Variants in ADAM19 observed in about 807,000 individuals in gnomAD.
The protein encoded by ADAM19 is ADAM metallopeptidase domain 19.
In ADAM19, 65 loss-of-function variants were observed where a neutral mutation model predicts 114.7. The observed-to-expected ratio is 0.57, with a 90% CI of 0.46 to 0.70. ADAM19 has a LOEUF of 0.70. Ranked by LOEUF, ADAM19 falls within the 30% of genes least tolerant of loss-of-function variation. The pLI is 0.00. For synonymous variants in ADAM19, 466 were observed against 460.5 expected (o/e 1.01, Z -0.15); for missense variants, 1,063 against 1,204.7 (o/e 0.88, Z 1.74).
intron 7 of ADAM19, 45 bp from the exon 8 acceptor site, chr5:157,513,550 C>T: frequency 6.4e-7 from 1 of 1,551,582 alleles, no homozygotes; most frequent in Non-Finnish European, 8.9e-7. Flanking sequence ...GAACCTCTCA[C>T]AGGATGCTTC....
intron 3 of ADAM19, among the ~76,000 whole-genome samples, chr5:157,541,269 A>G (rs752900559): frequency 1.3e-5 from 2 of 152,236 alleles, no homozygotes; most frequent in African/African-American, 4.8e-5. Context: ...GGATTGCATT[A>G]GGATTTTCAG....
intron 16 of ADAM19, 96 bp downstream of exon 16, chr5:157,492,877 G>T: frequency 7.4e-7 from 1 of 1,344,184 alleles, no homozygotes; most frequent in Non-Finnish European, 1.1e-6. Flanking sequence ...AGGTTGGCGA[G>T]GTGGCATCTG....
intron 3 of ADAM19, among the ~76,000 whole-genome samples, chr5:157,542,259 G>GTT (rs11327769): frequency 6.9e-6 from 1 of 145,588 alleles, no homozygotes; most frequent in African/African-American, 2.6e-5. Flanking sequence ...ATTTTTAATA[G>GTT]TTTTTTTTTT....
intron 5 of ADAM19, among the ~76,000 whole-genome samples, chr5:157,526,502 T>C (rs1472411475): frequency 6.6e-6 from 1 of 152,174 alleles, no homozygotes; most frequent in African/African-American, 2.4e-5. Context: ...ACACACAGGC[T>C]CAGTCAGAGA....
At chr5:157,519,762 G>T in intron 6 of ADAM19, 77 bp downstream of exon 6, 1 of 1,352,134 alleles carries the variant, frequency 7.4e-7, no homozygotes, top group Non-Finnish European at 1.0e-6. Context: ...AAATACTCCT[G>T]GATTCAAAGT....
intron 3 of ADAM19, among the ~76,000 whole-genome samples, chr5:157,543,924 G>C (rs991359256): frequency 6.6e-6 from 1 of 152,172 alleles, no homozygotes; most frequent in Non-Finnish European, 1.5e-5. Context: ...TGTTTTCTAA[G>C]ATGCTGAAAG....
intron 11 of ADAM19, among the ~76,000 whole-genome samples, chr5:157,505,269 C>T (rs191420765): frequency 2.2e-3 from 335 of 152,114 alleles, no homozygotes; most frequent in Non-Finnish European, 3.2e-3. Flanking sequence ...TCTGTTACAT[C>T]GGAGCTTTCA....
chr5:157,558,747 T>G (rs1365637278), intron 3 of ADAM19, among the ~76,000 whole-genome samples: 2 of 152,204 alleles, frequency 1.3e-5, no homozygotes, highest in East Asian at 3.8e-4. Context: ...GGTCTGCTAC[T>G]ATTTCTACCA....
chr5:157,482,003 C>A, intron 21 of ADAM19, 60 bp from the exon 22 acceptor site: 1 of 1,335,134 alleles, frequency 7.5e-7, no homozygotes, highest in Non-Finnish European at 1.0e-6. Flanking sequence ...AGAAAATATC[C>A]CTGATATCTT....
At chr5:157,509,669 C>T (rs752990426) in intron 8 of ADAM19, among the ~76,000 whole-genome samples, 1 of 152,218 alleles carries the variant, frequency 6.6e-6, no homozygotes. Context: ...ATGGCTCCAA[C>T]AGAAGGAGGC....
intron 12 of ADAM19, among the ~76,000 whole-genome samples, chr5:157,500,143 A>G (rs1039146930): frequency 6.6e-6 from 1 of 152,132 alleles, no homozygotes; most frequent in Non-Finnish European, 1.5e-5. Context: ...TACTTGTCAC[A>G]AGAACCATAT....
intron 2 of ADAM19, among the ~76,000 whole-genome samples, chr5:157,567,693 A>C (rs532876428): frequency 6.6e-6 from 1 of 152,198 alleles, no homozygotes; most frequent in South Asian, 2.1e-4. Context: ...GCTACTTGGG[A>C]GGCTGAGGCA....
At chr5:157,511,659 T>C (rs1311571977) in intron 8 of ADAM19, among the ~76,000 whole-genome samples, 2 of 152,224 alleles carry the variant, frequency 1.3e-5, no homozygotes. Context: ...TGGCTTTTTT[T>C]CACAGTTACA....
chr5:157,496,872 G>A (rs375342790), intron 14 of ADAM19, 22 bp downstream of exon 14: 125 of 1,525,370 alleles, frequency 8.2e-5, no homozygotes, highest in Non-Finnish European at 1.0e-4. Flanking sequence ...GGGGAGAGCC[G>A]TGCTCCCCAG....
At chr5:157,536,826 A>T (rs542077586) in intron 4 of ADAM19, among the ~76,000 whole-genome samples, 66 of 152,166 alleles carry the variant, frequency 4.3e-4, no homozygotes, top group Non-Finnish European at 7.2e-4. Flanking sequence ...AGGAGTCCTG[A>T]TGCAGAGGGA....
chr5:157,524,679 G>T (rs1369485515), intron 5 of ADAM19, among the ~76,000 whole-genome samples: 2 of 152,166 alleles, frequency 1.3e-5, no homozygotes, highest in East Asian at 3.8e-4. Flanking sequence ...AGAAGAGAAG[G>T]CTTGTAGGTC....
intron 11 of ADAM19, among the ~76,000 whole-genome samples, chr5:157,503,442 T>C (rs1267082917): frequency 6.6e-6 from 1 of 151,074 alleles, no homozygotes; most frequent in Non-Finnish European, 1.5e-5. Flanking sequence ...TGTATACATA[T>C]GTAACAAACC....
chr5:157,553,233 T>C (rs1470607353), intron 3 of ADAM19, among the ~76,000 whole-genome samples: 2 of 152,226 alleles, frequency 1.3e-5, no homozygotes, highest in Non-Finnish European at 2.9e-5. Flanking sequence ...ATGGATACCC[T>C]TTTCTTCATG....
chr5:157,574,229 A>G lies in ADAM19; in HGVS notation c.94+1374T>C, dbSNP rs562552553. ...GGGGTTGCAGATCATTTTCTTTTAC[A>G]CTTTTCGTTATTTCCCAGATATTCT... On this transcript the variant is annotated intron_variant, in intron 1 of 22. Coordinates refer to ENST00000257527, the MANE Select transcript of ADAM19 (RefSeq NM_033274.5). Among the ~76,000 whole-genome samples, 4 of 152,274 alleles carry G rather than the reference A, an allele frequency of 2.6e-5. No homozygotes were observed. In the East Asian group the frequency reaches 7.7e-4, roughly 29 times the overall value.
Sources: allele counts gnomAD v4.1 joint callset (sites outside exome capture counted in the v4.1 genomes callset), GRCh38; gene constraint gnomAD v4.1.1; transcripts MANE v1.5; gene names NCBI Gene and HGNC (gene_info 2026-07-23, HGNC 2026-07-21).